The following RASGRF2 variants were observed in gnomAD, a reference collection of about 807,000 sequenced individuals.
RASGRF2 encodes Ras protein specific guanine nucleotide releasing factor 2, also known as ras-specific guanine nucleotide-releasing factor 2.
A neutral mutation model predicts 151.0 loss-of-function variants in RASGRF2; 76 were observed. The ratio of observed to expected loss-of-function variants is 0.50; its 90% CI spans 0.42 to 0.61. The LOEUF (loss-of-function observed/expected upper bound fraction) is 0.61, where lower values mean the gene tolerates loss of function less well. RASGRF2 is among the 20% of genes least tolerant of loss of function. RASGRF2 has a pLI of 0.00. For missense variants in RASGRF2, 1,148 were observed against 1,564.6 expected, an observed-to-expected ratio of 0.73 and a Z score of 4.49; for synonymous variants, 504 against 566.5, an observed-to-expected ratio of 0.89 and a Z score of 1.57.
At chr5:81,136,544 A>C (rs1753758591) in intron 17 of RASGRF2, among the ~76,000 whole-genome samples, 1 of 152,044 alleles carries the variant, frequency 6.6e-6, no homozygotes, top group Non-Finnish European at 1.5e-5. Context: ...TATTTCAAGA[A>C]CTTCTCTTTA....
chr5:81,115,747 T>C (rs1561214269), intron 15 of RASGRF2, among the ~76,000 whole-genome samples: 1 of 152,212 alleles, frequency 6.6e-6, no homozygotes, highest in Non-Finnish European at 1.5e-5. Flanking sequence ...TCAAGAATCA[T>C]TGAGTGAGCC....
intron 1 of RASGRF2, among the ~76,000 whole-genome samples, chr5:80,996,679 A>G (rs1038454250): frequency 1.4e-5 from 2 of 148,054 alleles, no homozygotes; most frequent in African/African-American, 5.0e-5. Context: ...GGCTCACTGC[A>G]ATCTCCACCT....
chr5:80,982,647 C>T (rs1290907311), intron 1 of RASGRF2, among the ~76,000 whole-genome samples: 2 of 147,866 alleles, frequency 1.4e-5, no homozygotes, highest in South Asian at 2.1e-4. Context: ...GTTGCCCAGG[C>T]TGGAGTGCAG....
intron 1 of RASGRF2, among the ~76,000 whole-genome samples, chr5:81,023,983 G>T (rs915657684): frequency 1.3e-5 from 2 of 152,174 alleles, no homozygotes; most frequent in African/African-American, 4.8e-5. Flanking sequence ...CCCATTCCCA[G>T]TTGTCTTTTC....
rs1554083693 is a variant in RASGRF2 at position 80,995,688 on chromosome 5, C to CCT, written c.288+34663_288+34664insTC. 3.4e-4 allele frequency among the ~76,000 whole-genome samples: 43 copies of CCT among 127,644 alleles called. 3 individuals carry two copies. Among genetic ancestry groups the CCT allele is most frequent in the Admixed American group, 3.1e-3 (38 of 12,172 alleles). The allele number at this position is 127,644 out of a possible 152,430, so 83.7% of individuals were successfully genotyped here. ...TCATTGTTTCTTTCCTTTCCTTCCC[C>CCT]CCCCCTTTTTTTTTTTTTTTTTGAG... On this transcript the variant is annotated intron_variant, in intron 1 of 26. Coordinates refer to ENST00000265080, the MANE Select transcript of RASGRF2 (RefSeq NM_006909.3).
At chr5:81,167,629 C>A (rs1295438911) in intron 17 of RASGRF2, among the ~76,000 whole-genome samples, 1 of 152,136 alleles carries the variant, frequency 6.6e-6, no homozygotes, top group Non-Finnish European at 1.5e-5. Flanking sequence ...AAAATGGAAG[C>A]CCCCATGAGC....
chr5:81,173,595 A>T (rs1439829950), intron 17 of RASGRF2, among the ~76,000 whole-genome samples: 1 of 152,168 alleles, frequency 6.6e-6, no homozygotes, highest in Non-Finnish European at 1.5e-5. Context: ...GCTTGTCTGC[A>T]CTGACCAGCT....
intron 1 of RASGRF2, among the ~76,000 whole-genome samples, chr5:81,028,572 T>G (rs1416503475): frequency 6.6e-6 from 1 of 151,950 alleles, no homozygotes; most frequent in Non-Finnish European, 1.5e-5. Flanking sequence ...GGACAAGAAA[T>G]TATAAAACAA....
In RASGRF2 at chr5:80,960,858, C is replaced by G. The variant is rs1005746765; in HGVS notation, c.120C>G (p.His40Gln). 6 of 1,613,586 alleles carry G rather than the reference C, an allele frequency of 3.7e-6. No individual in the cohort carries two copies. The highest frequency in any genetic ancestry group is 4.5e-5 in the East Asian group (2 of 44,866). The change falls in exon 1 of 27, where the codon CAC becomes CAG. Residue 40 changes from histidine to glutamine, a missense_variant. This residue lies in a region of RASGRF2 where 221 missense variants were observed against 271.3 expected (regional missense o/e 0.81). Transcript: ENST00000265080. This position sits in a 1 kb window ranked among gnomAD's most constrained non-coding sequence, Gnocchi z 5.5. ...AGACGGCCGAGGCGAGCCGCTGGCACGAGAAGTGGTTCGCCCTCTACCAGA... is the reference window on the plus strand; with the variant it reads ...AGACGGCCGAGGCGAGCCGCTGGCAGGAGAAGTGGTTCGCCCTCTACCAGA... ...SKKTAEASRW[H>Q]EKWFALYQNV...
Position 81,180,249 on chromosome 5 carries a change from G to A in RASGRF2, c.2761G>A (p.Val921Ile), listed in dbSNP as rs773207583. ...AACGGCTACCAATCGAGTTCTGAACGTCCTCCGTCACTGGGTCTCAAAGCA... is the reference window on the plus strand; with the variant it reads ...AACGGCTACCAATCGAGTTCTGAACATCCTCCGTCACTGGGTCTCAAAGCA... ...RRTATNRVLN[V>I]LRHWVSKHAQ... Residue 921 changes from valine (V) to isoleucine (I), a missense_variant, in exon 18 of 27, where the codon GTC (valine) becomes ATC (isoleucine). Physicochemically the swap from Val to Ile is conservative, Grantham distance 29. This residue lies in a region of RASGRF2 where 646 missense variants were observed against 807.4 expected (regional missense o/e 0.80). Coordinates refer to ENST00000265080, the MANE Select transcript of RASGRF2 (RefSeq NM_006909.3). 1.9e-6 allele frequency: 3 copies of A among 1,611,374 alleles called. No individual in the cohort carries two copies. Among genetic ancestry groups the A allele is most frequent in the Non-Finnish European group, 2.5e-6 (3 of 1,177,900 alleles).
At chr5:81,091,120 G>A (rs1157341584) in intron 9 of RASGRF2, among the ~76,000 whole-genome samples, 3 of 152,154 alleles carry the variant, frequency 2.0e-5, no homozygotes, top group Non-Finnish European at 4.4e-5. Flanking sequence ...CCTTAGGCGA[G>A]CTACTTGGCC....
chr5:81,206,412 G>A lies in RASGRF2; in HGVS notation c.2907-433G>A, dbSNP rs78387863. 6.1e-3 allele frequency among the ~76,000 whole-genome samples: 926 copies of A among 152,236 alleles called. 19 individuals are homozygous for A. The East Asian group carries it at 0.063, about 10-fold the overall frequency. ...AAGCTTGAGAAAGGGGTGGCCCTGCGTCTCCTGCCTCTGTGAGGGCAGGGA... is the reference window on the plus strand; with the variant it reads ...AAGCTTGAGAAAGGGGTGGCCCTGCATCTCCTGCCTCTGTGAGGGCAGGGA... On this transcript the variant is annotated intron_variant, in intron 19 of 26. Coordinates refer to ENST00000265080, the MANE Select transcript of RASGRF2 (RefSeq NM_006909.3).
At chr5:81,216,303 GTTGA>G (rs1465749059) in intron 24 of RASGRF2, among the ~76,000 whole-genome samples, 2 of 151,204 alleles carry the variant, frequency 1.3e-5, no homozygotes, top group African/African-American at 4.9e-5. Flanking sequence ...TCCAGCACCT[GTTGA>G]TTATTATTTT....
chr5:81,131,593 G>C (rs1261123956), intron 17 of RASGRF2, among the ~76,000 whole-genome samples: 2 of 151,760 alleles, frequency 1.3e-5, no homozygotes, highest in Non-Finnish European at 2.9e-5. Context: ...GGTTTTGGGT[G>C]ATCTGTCTGC....
intron 1 of RASGRF2, among the ~76,000 whole-genome samples, chr5:80,962,157 C>G (rs1004745812): frequency 6.6e-6 from 1 of 152,094 alleles, no homozygotes; most frequent in Non-Finnish European, 1.5e-5. Flanking sequence ...ACTAGACCGA[C>G]CGGAAGTTTG....
At chr5:81,192,159 A>T (rs116535578) in intron 18 of RASGRF2, among the ~76,000 whole-genome samples, 2,238 of 152,302 alleles carry the variant, frequency 0.015, 54 homozygotes, top group African/African-American at 0.051. Context: ...CAAGGCACAG[A>T]GCTTACCAGA....
chr5:81,119,493 A>G lies in RASGRF2; in HGVS notation c.2471-4149A>G, dbSNP rs191844144. Among the ~76,000 whole-genome samples the G allele has an allele frequency of 2.0e-5, 3 of 152,332 alleles. No homozygotes were observed. In the East Asian group the frequency reaches 5.8e-4, roughly 29 times the overall value. On this transcript the variant is annotated intron_variant, in intron 15 of 26. Transcript: ENST00000265080. ...TCACCTCTCAACACTGTTGCATTGGAGTTTAAGTTTCCAACATATGAACTT... is the reference window on the plus strand; with the variant it reads ...TCACCTCTCAACACTGTTGCATTGGGGTTTAAGTTTCCAACATATGAACTT...
At chr5:81,142,145 A>G (rs960924890) in intron 17 of RASGRF2, among the ~76,000 whole-genome samples, 5 of 152,234 alleles carry the variant, frequency 3.3e-5, no homozygotes, top group Non-Finnish European at 7.3e-5. Context: ...CAAAATCAGA[A>G]GCTTAATATC....
At chr5:81,188,941 G>C (rs1479723790) in intron 18 of RASGRF2, among the ~76,000 whole-genome samples, 1 of 152,250 alleles carries the variant, frequency 6.6e-6, no homozygotes, top group African/African-American at 2.4e-5. Context: ...TTCTGACTCA[G>C]GACAGTGAGA....
Sources: allele counts gnomAD v4.1 joint callset (sites outside exome capture counted in the v4.1 genomes callset), GRCh38; gene constraint gnomAD v4.1.1; regional missense constraint gnomAD v4.1.1; non-coding constraint Gnocchi (gnomAD v3.1); transcripts MANE v1.5; gene names NCBI Gene and HGNC (gene_info 2026-07-23, HGNC 2026-07-21).